The following CHST15 variants were observed in gnomAD, a reference collection of about 807,000 sequenced individuals.
The protein encoded by CHST15 is B cell RAG associated protein (GALNAC4S-6ST).
A neutral mutation model predicts 53.6 loss-of-function variants in CHST15; 30 were observed. The observed-to-expected ratio is 0.56, with a 90% CI of 0.42 to 0.76. The LOEUF is 0.76. Among genes scored for constraint, CHST15 ranks in the 30% least tolerant of loss-of-function variants. The probability of loss-of-function intolerance (pLI) is 0.00; values close to 1 mark genes in which losing one functional copy is unlikely to be tolerated. For missense variants in CHST15, 627 were observed against 740.5 expected (o/e 0.85, Z 1.78); for synonymous variants, 296 against 289.8 (o/e 1.02, Z -0.22).
intron 6 of CHST15, among the ~76,000 whole-genome samples, chr10:124,014,008 C>G (rs528081394): frequency 6.6e-6 from 1 of 152,392 alleles, no homozygotes; most frequent in East Asian, 1.9e-4. Flanking sequence ...GATCTGGCCA[C>G]AGCCAGCCCT....
intron 5 of CHST15, among the ~76,000 whole-genome samples, chr10:124,034,575 T>TCCCCTAACAGGGACCCTGGCTCCAC (rs1159832223): frequency 2.1e-5 from 2 of 96,598 alleles, no homozygotes; most frequent in Non-Finnish European, 4.2e-5. Flanking sequence ...CCTGGCTTCA[T>TCCCCTAACAGGGACCCTGGCTCCAC]CCCCTAACAG....
chr10:124,076,163 G>A (rs1489556687), intron 1 of CHST15, among the ~76,000 whole-genome samples: 1 of 152,240 alleles, frequency 6.6e-6, no homozygotes, highest in Non-Finnish European at 1.5e-5. Flanking sequence ...GAGAGCCACT[G>A]TGTGTCAATC....
intron 1 of CHST15, among the ~76,000 whole-genome samples, chr10:124,082,502 G>A (rs1034475155): frequency 6.6e-6 from 1 of 152,182 alleles, no homozygotes; most frequent in East Asian, 1.9e-4. Flanking sequence ...TCTAGGGCCA[G>A]GGAAAGAGTG....
intron 1 of CHST15, among the ~76,000 whole-genome samples, chr10:124,082,595 A>G (rs183982847): frequency 6.6e-6 from 1 of 152,352 alleles, no homozygotes; most frequent in East Asian, 1.9e-4. Context: ...ACACATGTCC[A>G]CACCCAAAGA....
At chr10:124,064,227 G>A (rs563588447) in intron 1 of CHST15, among the ~76,000 whole-genome samples, 25 of 152,218 alleles carry the variant, frequency 1.6e-4, no homozygotes, top group Non-Finnish European at 3.5e-4. Context: ...TAGCTGACTG[G>A]TTCAAGCTGA....
chr10:124,017,573 G>A (rs759239418), intron 6 of CHST15, among the ~76,000 whole-genome samples: 2 of 152,120 alleles, frequency 1.3e-5, no homozygotes, highest in African/African-American at 2.4e-5. Flanking sequence ...TCACAGCACC[G>A]TCCTGCACCT....
chr10:124,066,573 C>T (rs915073740), intron 1 of CHST15, among the ~76,000 whole-genome samples: 5 of 152,176 alleles, frequency 3.3e-5, no homozygotes, highest in African/African-American at 1.2e-4. Context: ...TCGATGACAT[C>T]GCTGGAAAGT....
At chr10:124,011,492 T>C (rs1946415557) in intron 7 of CHST15, 1 of 985,270 alleles carries the variant, frequency 1.0e-6, no homozygotes, top group South Asian at 4.7e-5. Flanking sequence ...TTTTCAGAAA[T>C]ACTCAATTAA....
In CHST15 at chr10:124,036,437, C is replaced by T. The variant is rs758489569; in HGVS notation, c.1190+2078G>A. On this transcript the variant is annotated intron_variant, in intron 5 of 7. Transcript: ENST00000435907. This position sits in a 1 kb window ranked among gnomAD's most constrained non-coding sequence, Gnocchi z 5.1. Reference sequence around the variant, plus strand: ...TGGCACCTGCTAGAAGGCATGGCACCGGGACAGCCACCAAGAGCTCAGGCT... The same window carrying T: ...TGGCACCTGCTAGAAGGCATGGCACTGGGACAGCCACCAAGAGCTCAGGCT... Among the ~76,000 whole-genome samples, 3 of 152,118 alleles carry T rather than the reference C, an allele frequency of 2.0e-5. No homozygotes were observed. The highest frequency in any genetic ancestry group is 7.2e-5 in the African/African-American group (3 of 41,420).
At chr10:124,023,615 A>T (rs932553744) in intron 5 of CHST15, among the ~76,000 whole-genome samples, 1 of 150,762 alleles carries the variant, frequency 6.6e-6, no homozygotes, top group Non-Finnish European at 1.5e-5. Flanking sequence ...CATATGTCCC[A>T]CTCTCTTCTT....
At chr10:124,050,612 A>G (rs1416689391) in intron 1 of CHST15, among the ~76,000 whole-genome samples, 1 of 152,300 alleles carries the variant, frequency 6.6e-6, no homozygotes, top group Non-Finnish European at 1.5e-5. Context: ...GGGGTGCATA[A>G]TCACCCCTGG....
intron 1 of CHST15, among the ~76,000 whole-genome samples, chr10:124,054,080 C>T (rs1027413434): frequency 6.6e-6 from 1 of 152,180 alleles, no homozygotes; most frequent in Non-Finnish European, 1.5e-5. Flanking sequence ...GCCCCACACT[C>T]CCCCACCTCC....
chr10:124,051,432 A>G (rs1426494476), intron 1 of CHST15, among the ~76,000 whole-genome samples: 1 of 152,224 alleles, frequency 6.6e-6, no homozygotes, highest in Non-Finnish European at 1.5e-5. Flanking sequence ...AATTATCCCA[A>G]GAACAGTCAT....
At position 124,019,582 on chromosome 10, in the gene CHST15, T is replaced by C; in HGVS notation, c.1347+1674A>G. The C allele has an allele frequency of 5.3e-6, 1 of 189,520 alleles. No individual in the cohort carries two copies. Among genetic ancestry groups the C allele is most frequent in the Non-Finnish European group, 9.8e-6 (1 of 102,100 alleles). The allele number at this position is 189,520 out of a possible 1,614,324, so 11.7% of individuals were successfully genotyped here. On this transcript the variant is annotated intron_variant, in intron 6 of 7. Coordinates refer to ENST00000435907, the MANE Select transcript of CHST15 (RefSeq NM_001270764.2). The surrounding 1 kb of genome is among the most constrained non-coding windows in gnomAD (Gnocchi z 4.6). Reference sequence around the variant, plus strand: ...CACAAACACGCACAGGTTTCCCGTTTCTCCGGGTCTCCGTTTCCTTATGAA... The same window carrying C: ...CACAAACACGCACAGGTTTCCCGTTCCTCCGGGTCTCCGTTTCCTTATGAA...
At chr10:124,028,245 G>C (rs182722063) in intron 5 of CHST15, among the ~76,000 whole-genome samples, 70 of 152,316 alleles carry the variant, frequency 4.6e-4, no homozygotes, top group South Asian at 4.1e-3. Context: ...GCGGGATCTT[G>C]TATCTCTTGG....
In CHST15 at chr10:124,052,432, G is replaced by A. The variant is rs142719144; in HGVS notation, c.-512-5708C>T. Among the ~76,000 whole-genome samples, 49 of 152,270 alleles carry A rather than the reference G, an allele frequency of 3.2e-4. No individual in the cohort carries two copies. In the East Asian group the frequency reaches 6.0e-3, roughly 19 times the overall value. Reference sequence around the variant, plus strand: ...AACATTCACTGGCCCATAGCACAGCGGAGAGGACACAGCAGTCACATGGAT... The same window carrying A: ...AACATTCACTGGCCCATAGCACAGCAGAGAGGACACAGCAGTCACATGGAT... On this transcript the variant is annotated intron_variant, in intron 1 of 7. Coordinates refer to ENST00000435907, the MANE Select transcript of CHST15 (RefSeq NM_001270764.2).
At chr10:124,088,342 G>A (rs1008015848) in intron 1 of CHST15, among the ~76,000 whole-genome samples, 1 of 152,202 alleles carries the variant, frequency 6.6e-6, no homozygotes. Context: ...TGAGTGCTGT[G>A]CTCTGTGCTG....
intron 1 of CHST15, among the ~76,000 whole-genome samples, chr10:124,066,042 T>TAA (rs1948741779): frequency 7.4e-6 from 1 of 134,738 alleles, no homozygotes; most frequent in South Asian, 2.5e-4. Context: ...TCTGTCTTTT[T>TAA]GTCTTTTTTT....
At chr10:124,062,612 C>G (rs1948616708) in intron 1 of CHST15, among the ~76,000 whole-genome samples, 1 of 152,162 alleles carries the variant, frequency 6.6e-6, no homozygotes, top group Non-Finnish European at 1.5e-5. Flanking sequence ...AAACGGCAAC[C>G]ACCACCACCA....
Sources: allele counts gnomAD v4.1 joint callset (sites outside exome capture counted in the v4.1 genomes callset), GRCh38; gene constraint gnomAD v4.1.1; non-coding constraint Gnocchi (gnomAD v3.1); transcripts MANE v1.5; gene names NCBI Gene and HGNC (gene_info 2026-07-23, HGNC 2026-07-21).